The following ROBO2 variants were observed in gnomAD, a reference collection of about 807,000 sequenced individuals.
ROBO2 encodes the protein roundabout guidance receptor 2.
A neutral mutation model predicts 160.8 loss-of-function variants in ROBO2; 53 were observed. That is an observed-to-expected ratio of 0.33 (90% CI 0.26 to 0.41). The LOEUF (loss-of-function observed/expected upper bound fraction) is 0.41, where lower values mean the gene tolerates loss of function less well. Among genes scored for constraint, ROBO2 ranks in the 10% least tolerant of loss-of-function variants. ROBO2 has a pLI of 1.00. For missense variants in ROBO2, 1,577 were observed against 1,722.4 expected, an observed-to-expected ratio of 0.92 and a Z score of 1.49; for synonymous variants, 664 against 611.7, an observed-to-expected ratio of 1.09 and a Z score of -1.26.
Position 76,039,713 on chromosome 3 carries a change from A to G in ROBO2, c.109+102111A>G, listed in dbSNP as rs564497804. On this transcript the variant is annotated intron_variant, in intron 2 of 26. Transcript: ENST00000487694. ...TGTGAATCTATAATAATAAGCATAG[A>G]TATTTGTCAGTCTAAACTTACCTTG... is the stretch of plus-strand genomic sequence containing the variant. 1.9e-4 allele frequency among the ~76,000 whole-genome samples: 29 copies of G among 152,138 alleles called. No homozygotes were observed. In the East Asian group the frequency reaches 5.4e-3, roughly 28 times the overall value.
At chr3:77,280,225 C>T (rs1288944691) in intron 2 of ROBO2, among the ~76,000 whole-genome samples, 4 of 152,088 alleles carry the variant, frequency 2.6e-5, no homozygotes, top group East Asian at 1.9e-4. Flanking sequence ...TTAGACAAAC[C>T]GCTTTTCTGC....
chr3:77,376,953 A>C (rs925432231), intron 2 of ROBO2, among the ~76,000 whole-genome samples: 1 of 152,204 alleles, frequency 6.6e-6, no homozygotes, highest in Non-Finnish European at 1.5e-5. Flanking sequence ...ATCTATGACA[A>C]AGTGTCACCT....
chr3:76,471,044 T>C (rs1459601879), intron 2 of ROBO2, among the ~76,000 whole-genome samples: 1 of 150,808 alleles, frequency 6.6e-6, no homozygotes, highest in Non-Finnish European at 1.5e-5. Context: ...TATTCATTCT[T>C]TACAATATAA....
chr3:77,342,009 A>G (rs2067115712), intron 2 of ROBO2, among the ~76,000 whole-genome samples: 1 of 152,144 alleles, frequency 6.6e-6, no homozygotes, highest in Non-Finnish European at 1.5e-5. Flanking sequence ...GATATTAAGA[A>G]TATGCATTAA....
chr3:77,304,060 A>G (rs2062885868), intron 2 of ROBO2, among the ~76,000 whole-genome samples: 1 of 152,126 alleles, frequency 6.6e-6, no homozygotes, highest in South Asian at 2.1e-4. Context: ...GTTTCAACCT[A>G]TAAATATTCT....
intron 2 of ROBO2, among the ~76,000 whole-genome samples, chr3:77,152,635 C>G (rs1413842782): frequency 6.6e-6 from 1 of 152,218 alleles, no homozygotes; most frequent in African/African-American, 2.4e-5. Flanking sequence ...CCAAATCTTC[C>G]TTTCAACAAG....
intron 2 of ROBO2, among the ~76,000 whole-genome samples, chr3:76,539,079 C>A (rs1207935202): frequency 6.6e-6 from 1 of 152,092 alleles, no homozygotes; most frequent in African/African-American, 2.4e-5. Context: ...TCATCCTCAG[C>A]AAACTAACAC....
chr3:76,470,816 T>C (rs969321253), intron 2 of ROBO2, among the ~76,000 whole-genome samples: 1 of 152,096 alleles, frequency 6.6e-6, no homozygotes, highest in Admixed American at 6.6e-5. Flanking sequence ...TCACGTAACA[T>C]ACATCAATGG....
intron 2 of ROBO2, among the ~76,000 whole-genome samples, chr3:76,165,152 T>C (rs1220442928): frequency 6.6e-6 from 1 of 152,186 alleles, no homozygotes; most frequent in African/African-American, 2.4e-5. Flanking sequence ...GGAATCTTCT[T>C]CCAGTACGAG....
chr3:75,975,288 A>G (rs1176137148), intron 2 of ROBO2, among the ~76,000 whole-genome samples: 1 of 151,464 alleles, frequency 6.6e-6, no homozygotes, highest in African/African-American at 2.4e-5. Flanking sequence ...TGGCCTCTTT[A>G]TAGGTACTTT....
chr3:77,249,291 T>C (rs1313456637), intron 2 of ROBO2, among the ~76,000 whole-genome samples: 3 of 152,230 alleles, frequency 2.0e-5, no homozygotes, highest in African/African-American at 4.8e-5. Context: ...TCTCTGTATA[T>C]ATATTTTTTA....
intron 2 of ROBO2, among the ~76,000 whole-genome samples, chr3:76,882,740 C>T (rs1364018485): frequency 1.3e-5 from 2 of 152,080 alleles, no homozygotes; most frequent in East Asian, 1.9e-4. Context: ...TGTATCTGTT[C>T]ATTGTTAAAT....
At chr3:77,203,679 G>A (rs1225878415) in intron 2 of ROBO2, among the ~76,000 whole-genome samples, 5 of 152,138 alleles carry the variant, frequency 3.3e-5, no homozygotes, top group Admixed American at 6.5e-5. Flanking sequence ...TATTGAAAGA[G>A]GCTTCGAGGC....
chr3:77,265,409 T>C (rs115531709), intron 2 of ROBO2, among the ~76,000 whole-genome samples: 2,045 of 152,250 alleles, frequency 0.013, 53 homozygotes, highest in African/African-American at 0.046. Context: ...CTCAATGCCT[T>C]TTACAAGTTT....
chr3:76,316,301 C>T (rs1022928175), intron 2 of ROBO2, among the ~76,000 whole-genome samples: 13 of 152,134 alleles, frequency 8.5e-5, no homozygotes, highest in Non-Finnish European at 1.9e-4. Flanking sequence ...ACAGACACTG[C>T]AAGAGCGACG....
In ROBO2 at chr3:75,940,033, A is replaced by C. The variant is rs578170280; in HGVS notation, c.109+2431A>C. Among the ~76,000 whole-genome samples, 126 of 152,254 alleles carry C rather than the reference A, an allele frequency of 8.3e-4. No homozygotes were observed. In the Middle Eastern group the frequency reaches 0.024, roughly 29 times the overall value. ...CAAATATGCATGCAAATGTTATAAG[A>C]TTATTTTCACATTATTTCACATAAT... On this transcript the variant is annotated intron_variant, in intron 2 of 26. Transcript: ENST00000487694.
intron 2 of ROBO2, among the ~76,000 whole-genome samples, chr3:75,942,946 T>C (rs1948121834): frequency 6.6e-6 from 1 of 152,158 alleles, no homozygotes; most frequent in African/African-American, 2.4e-5. Flanking sequence ...GCATGGGAGA[T>C]AGTAAGAGAC....
At chr3:77,625,599 A>G (rs1311904905) in intron 23 of ROBO2, among the ~76,000 whole-genome samples, 4 of 151,964 alleles carry the variant, frequency 2.6e-5, no homozygotes, top group African/African-American at 9.7e-5. Context: ...GAGGGTCTTG[A>G]TCTCTTGACC....
intron 2 of ROBO2, among the ~76,000 whole-genome samples, chr3:76,665,945 TTATATATAATATATACATATAA>T (rs1411282111): frequency 3.5e-5 from 5 of 141,982 alleles, no homozygotes; most frequent in African/African-American, 1.3e-4. Context: ...ATATAATATA[TTATATATAATATATACATATAA>T]TATATATAAT....
Sources: gnomAD v4.1 joint callset for allele counts (sites outside exome capture counted in the v4.1 genomes callset) on GRCh38, gnomAD v4.1.1 for gene constraint, MANE v1.5 for transcripts, NCBI Gene and HGNC (gene_info 2026-07-23, HGNC 2026-07-21) for gene names.